The following SNX14 variants were observed in gnomAD, a reference collection of about 807,000 sequenced individuals.
SNX14 encodes sorting nexin 14.
In SNX14, 93 loss-of-function variants were observed where a neutral mutation model predicts 133.8. The observed-to-expected ratio is 0.70, with a 90% CI of 0.59 to 0.83. The LOEUF is 0.83. Ranked by LOEUF, SNX14 falls within the 40% of genes least tolerant of loss-of-function variation. The probability of loss-of-function intolerance (pLI) is 0.00; values close to 1 mark genes in which losing one functional copy is unlikely to be tolerated. For synonymous variants in SNX14, 368 were observed against 365.6 expected (o/e 1.01, Z -0.07); for missense variants, 945 against 1,094.9 (o/e 0.86, Z 1.93).
Position 85,585,391 on chromosome 6 carries a change from A to C in SNX14, c.140+8188T>G, listed in dbSNP as rs112083717. ...CCAGAACTTAAAGTATAATTAAAAA[A>C]AAACAAACAACAACAACAACAAAAA... is the stretch of plus-strand genomic sequence containing the variant. On this transcript the variant is annotated intron_variant, in intron 1 of 28. Transcript: ENST00000314673. Among the ~76,000 whole-genome samples, 1,217 of 152,288 alleles carry C rather than the reference A, an allele frequency of 8.0e-3. 20 individuals are homozygous for C. Among genetic ancestry groups the C allele is most frequent in the African/African-American group, 0.028 (1,163 of 41,560 alleles).
At chr6:85,577,711 T>C (rs139590734) in intron 1 of SNX14, among the ~76,000 whole-genome samples, 173 of 151,860 alleles carry the variant, frequency 1.1e-3, no homozygotes, top group African/African-American at 4.1e-3. Flanking sequence ...AAAAGAAATC[T>C]ATAAAGGAAT....
chr6:85,517,725 CTT>C (rs771497078), intron 23 of SNX14, 29 bp downstream of exon 23: 1 of 1,554,006 alleles, frequency 6.4e-7, no homozygotes, highest in Non-Finnish European at 8.6e-7. Context: ...CAACTTAAAA[CTT>C]AATAGTTCTT....
chr6:85,577,241 G>A (rs1454110409), intron 1 of SNX14, among the ~76,000 whole-genome samples: 3 of 151,706 alleles, frequency 2.0e-5, no homozygotes, highest in Non-Finnish European at 2.9e-5. Flanking sequence ...TGGTGAAACC[G>A]CATCTCTACT....
chr6:85,549,845 T>C lies in SNX14; in HGVS notation c.669A>G (p.Leu223=), dbSNP rs1285425603. The C allele has an allele frequency of 1.9e-6, 3 of 1,612,338 alleles. No individual in the cohort carries two copies. Among genetic ancestry groups the C allele is most frequent in the African/African-American group, 2.7e-5 (2 of 74,836 alleles). The change falls in exon 8 of 29, where the codon TTA becomes TTG. Residue 223 remains leucine (L), a synonymous_variant. Coordinates refer to ENST00000314673, the MANE Select transcript of SNX14 (RefSeq NM_153816.6). ...CATGAAGCTCTGGACCATATTCTTC[T>C]AAAGCAGCTTGCTGTAAAAACTCTG... ...KNTEFLQQAA[L]EEYGPELHVA...
At position 85,516,632 on chromosome 6, in the gene SNX14, CTTTTTTTTT is replaced by C. The variant is rs746721196; in HGVS notation, c.2268+1115_2268+1123del. Among the ~76,000 whole-genome samples, 6 of 126,424 alleles carry C rather than the reference CTTTTTTTTT, an allele frequency of 4.7e-5. No homozygotes were observed. In the East Asian group the frequency reaches 1.3e-3, roughly 28 times the overall value. 82.9% of individuals were successfully genotyped at this position (126,424 alleles called of 152,430 possible). Reference sequence around the variant, plus strand: ...AAACATGAATGTAAACTTCCTTAATCTTTTTTTTTTTTTTTTTTTTTTGGAGACAGAGTC... The same window carrying C: ...AAACATGAATGTAAACTTCCTTAATCTTTTTTTTTTTTTGGAGACAGAGTC... On this transcript the variant is annotated intron_variant, in intron 23 of 28. Transcript: ENST00000314673.
chr6:85,520,459 G>T (rs1490768266), intron 21 of SNX14, among the ~76,000 whole-genome samples: 1 of 151,658 alleles, frequency 6.6e-6, no homozygotes, highest in Non-Finnish European at 1.5e-5. Context: ...CCAGGTTCAA[G>T]CAATTCTCCT....
chr6:85,572,830 A>G (rs551458770), intron 2 of SNX14, among the ~76,000 whole-genome samples: 3 of 152,208 alleles, frequency 2.0e-5, no homozygotes, highest in African/African-American at 7.2e-5. Context: ...GTGGTGGCAC[A>G]TGCCTATAAT....
chr6:85,506,671 A>G lies in SNX14; in HGVS notation c.2802+562T>C, dbSNP rs1770828112. ...CAAATCTGGTTTCCTCTACTCTACA[A>G]AAGTCACACTTCATTTCAATACCAC... On this transcript the variant is annotated intron_variant, in intron 28 of 28. Coordinates refer to ENST00000314673, the MANE Select transcript of SNX14 (RefSeq NM_153816.6). 1.3e-5 allele frequency among the ~76,000 whole-genome samples: 2 copies of G among 152,228 alleles called. 1 individual carries two copies.
At position 85,530,176 on chromosome 6, in the gene SNX14, A is replaced by G. The variant is rs759124331; in HGVS notation, c.1894+16T>C. The G allele has an allele frequency of 6.0e-6, 9 of 1,488,740 alleles. No homozygotes were observed. Among genetic ancestry groups the G allele is most frequent in the Non-Finnish European group, 8.4e-6 (9 of 1,076,622 alleles). 92.2% of individuals were successfully genotyped at this position (1,488,740 alleles called of 1,614,324 possible). A position where few individuals can be genotyped will look rare whatever the true frequency, so the allele number is the denominator to read the frequency against. On this transcript the variant is annotated intron_variant, in intron 19 of 28. Coordinates refer to ENST00000314673, the MANE Select transcript of SNX14 (RefSeq NM_153816.6). Reference sequence around the variant, plus strand: ...AATGCTGAAATGTAATGTTTTATCCAAAAAGAATAACATACCATGAAATTC... The same window carrying G: ...AATGCTGAAATGTAATGTTTTATCCGAAAAGAATAACATACCATGAAATTC...
intron 6 of SNX14, 140 bp from the exon 7 acceptor site, chr6:85,558,200 G>T: frequency 1.8e-6 from 1 of 556,176 alleles, no homozygotes; most frequent in East Asian, 3.1e-5. Context: ...TTATATTCCT[G>T]CATCATACTA....
intron 7 of SNX14, among the ~76,000 whole-genome samples, chr6:85,556,640 C>T (rs1789902871): frequency 6.6e-6 from 1 of 151,732 alleles, no homozygotes; most frequent in Admixed American, 6.6e-5. Flanking sequence ...TTTTAGTAGA[C>T]ATGGGTTTCA....
chr6:85,517,848 T>C lies in SNX14; in HGVS notation c.2176A>G (p.Met726Val), dbSNP rs183469743. The C allele has an allele frequency of 6.9e-5, 111 of 1,609,188 alleles. No homozygotes were observed. Among genetic ancestry groups the C allele is most frequent in the Admixed American group, 4.9e-4 (29 of 58,844 alleles). Reference protein sequence around the residue: ...EKGQHLEPFIMNFINSCESPK... With the variant: ...EKGQHLEPFIVNFINSCESPK... The stretch of plus-strand genomic sequence containing the variant: ...GACTCACAAGAATTAATGAAATTCA[T>C]GATAAAAGGTTCCAAATGCTGACCT... Residue 726 changes from methionine (M) to valine (V), a missense_variant, in exon 23 of 29, where the codon ATG (methionine) becomes GTG (valine). Transcript: ENST00000314673.
intron 1 of SNX14, among the ~76,000 whole-genome samples, chr6:85,590,716 T>C (rs1019454844): frequency 1.2e-4 from 18 of 152,232 alleles, no homozygotes; most frequent in Admixed American, 6.5e-5. Flanking sequence ...TGAATAGCAT[T>C]AGTTTATATG....
At chr6:85,532,305 A>C (rs1166890336) in intron 18 of SNX14, among the ~76,000 whole-genome samples, 1 of 152,234 alleles carries the variant, frequency 6.6e-6, no homozygotes, top group Non-Finnish European at 1.5e-5. Flanking sequence ...AAGACTGAAC[A>C]GCAACTCCAG....
chr6:85,553,782 T>C (rs1376635587), intron 7 of SNX14, among the ~76,000 whole-genome samples: 1 of 109,076 alleles, frequency 9.2e-6, no homozygotes, highest in Non-Finnish European at 2.0e-5. Flanking sequence ...CAAGACTCCG[T>C]CTCCAAAAAA....
chr6:85,566,641 T>C (rs533682495), intron 5 of SNX14, among the ~76,000 whole-genome samples: 1 of 151,526 alleles, frequency 6.6e-6, no homozygotes, highest in Non-Finnish European at 1.5e-5. Flanking sequence ...GAGGTTGCAG[T>C]GAGCTGAGGT....
chr6:85,556,033 T>C (rs1789642699), intron 7 of SNX14, among the ~76,000 whole-genome samples: 1 of 152,026 alleles, frequency 6.6e-6, no homozygotes, highest in African/African-American at 2.4e-5. Context: ...CTACAGACTT[T>C]AGTTAATAAT....
intron 20 of SNX14, 21 bp from the exon 21 acceptor site, chr6:85,526,258 G>A (rs767969468): frequency 2.7e-5 from 40 of 1,473,184 alleles, no homozygotes; most frequent in African/African-American, 1.6e-4. Flanking sequence ...CAAAAAAAAC[G>A]GAAAACACAG....
At chr6:85,512,884 T>G (rs76230845) in intron 26 of SNX14, among the ~76,000 whole-genome samples, 3 of 152,138 alleles carry the variant, frequency 2.0e-5, no homozygotes, top group Non-Finnish European at 4.4e-5. Context: ...TTAGTTTTTT[T>G]AGTTCATTCA....
Sources: allele counts gnomAD v4.1 joint callset (sites outside exome capture counted in the v4.1 genomes callset), GRCh38; gene constraint gnomAD v4.1.1; transcripts MANE v1.5; gene names NCBI Gene and HGNC (gene_info 2026-07-23, HGNC 2026-07-21).